The following PREPL variants were observed in gnomAD, a reference collection of about 807,000 sequenced individuals.
PREPL encodes prolyl endopeptidase like.
In PREPL, 77 loss-of-function variants were observed where a neutral mutation model predicts 70.6. The ratio of observed to expected loss-of-function variants is 1.09; its 90% CI spans 0.91 to 1.32. PREPL has a LOEUF of 1.32. PREPL is among the 40% of genes most tolerant of loss of function. The probability of loss-of-function intolerance (pLI) is 0.00; values close to 1 mark genes in which losing one functional copy is unlikely to be tolerated. For missense variants in PREPL, 1,002 were observed against 778.2 expected (o/e 1.29, Z -3.42); for synonymous variants, 315 against 264.8 (o/e 1.19, Z -1.84).
At chr2:44,334,674 T>A (rs1030807680) in intron 7 of PREPL, among the ~76,000 whole-genome samples, 3 of 152,212 alleles carry the variant, frequency 2.0e-5, no homozygotes, top group Non-Finnish European at 4.4e-5. Context: ...GCCTCCAGAA[T>A]AGCTCGGACT....
chr2:44,327,074 A>G, intron 9 of PREPL, 146 bp from the exon 10 acceptor site: 1 of 673,434 alleles, frequency 1.5e-6, no homozygotes, highest in Non-Finnish European at 2.6e-6. Context: ...AGTGAAAACA[A>G]GGAATGTGCA....
Position 44,344,537 on chromosome 2 carries a change from C to G in PREPL, c.125G>C (p.Arg42Pro). Residue 42 changes from arginine (R) to proline (P), a missense_variant, in exon 3 of 14, where the codon CGT becomes CCT. By Grantham distance (103) the Arg-to-Pro change is moderately radical. Coordinates refer to ENST00000409411, the MANE Select transcript of PREPL (RefSeq NM_001171613.2). ...TGGTGTACCTTCTTCATCTTTGGAA[C>G]GAACCAAGCAACAACCTTCTTGGTA... Reference protein sequence around the residue: ...VYYQEGCCLVRSKDEEADNDN... With the variant: ...VYYQEGCCLVPSKDEEADNDN... 1 of 1,599,088 alleles carries G rather than the reference C, an allele frequency of 6.3e-7. No individual in the cohort carries two copies. The highest frequency in any genetic ancestry group is 8.5e-7 in the Non-Finnish European group (1 of 1,173,306).
At chr2:44,324,665 C>A (rs1374196998) in intron 10 of PREPL, among the ~76,000 whole-genome samples, 2 of 152,042 alleles carry the variant, frequency 1.3e-5, no homozygotes, top group African/African-American at 2.4e-5. Flanking sequence ...ATCACTTGAG[C>A]CCAGGAGTTT....
chr2:44,356,570 A>T (rs1677071740), intron 1 of PREPL, among the ~76,000 whole-genome samples: 1 of 151,708 alleles, frequency 6.6e-6, no homozygotes, highest in Non-Finnish European at 1.5e-5. Flanking sequence ...CAAACAAACA[A>T]CAGATGTGTA....
At chr2:44,344,761 T>G (rs1675606839) in intron 2 of PREPL, among the ~76,000 whole-genome samples, 175 bp from the exon 3 acceptor site, 1 of 152,222 alleles carries the variant, frequency 6.6e-6, no homozygotes, top group African/African-American at 2.4e-5. Flanking sequence ...GTTGATAAGA[T>G]ATGGTTTTCG....
Position 44,320,218 on chromosome 2 carries a change from G to C in PREPL, c.*1138C>G, listed in dbSNP as rs769426700. 2 of 1,613,704 alleles carry C rather than the reference G, an allele frequency of 1.2e-6. No homozygotes were observed. Among genetic ancestry groups the C allele is most frequent in the Non-Finnish European group, 1.7e-6 (2 of 1,179,794 alleles). On this transcript the variant is annotated 3_prime_UTR_variant, in exon 14 of 14. Coordinates refer to ENST00000409411, the MANE Select transcript of PREPL (RefSeq NM_001171613.2). The stretch of plus-strand genomic sequence containing the variant: ...AAATAGGTCCAAAAGACTCAGCCCA[G>C]ATCGGCTTTGAAGTTATATCAAGAT...
At position 44,338,364 on chromosome 2, in the gene PREPL, A is replaced by T; in HGVS notation, c.875T>A (p.Val292Asp). Reference protein sequence around the residue: ...VNVIGLADDSVRSLKLPPWAC... With the variant: ...VNVIGLADDSDRSLKLPPWAC... ...AATTAAACATACCTTTAGAGACCGA[A>T]CTGAATCATCAGCCAGACCAATCAC... The change falls in exon 7 of 14, where the codon GTT becomes GAT. Residue 292 changes from valine to aspartate, a missense_variant. Coordinates refer to ENST00000409411, the MANE Select transcript of PREPL (RefSeq NM_001171613.2). The T allele has an allele frequency of 6.2e-7, 1 of 1,611,700 alleles. No individual in the cohort carries two copies. The highest frequency in any genetic ancestry group is 8.5e-7 in the Non-Finnish European group (1 of 1,179,442).
intron 1 of PREPL, chr2:44,347,434 G>T (rs1675947358): frequency 6.6e-6 from 1 of 152,090 alleles, no homozygotes; most frequent in Admixed American, 6.6e-5. Context: ...GAAGAACCAG[G>T]AAAAATAATA....
intron 9 of PREPL, 62 bp from the exon 10 acceptor site, chr2:44,326,990 C>T: frequency 7.2e-7 from 1 of 1,385,074 alleles, no homozygotes; most frequent in Non-Finnish European, 1.0e-6. Flanking sequence ...AGGCTGGGGT[C>T]AGCGAACTAC....
intron 6 of PREPL, 44 bp from the exon 7 acceptor site, chr2:44,338,580 A>T (rs1674880333): frequency 1.4e-6 from 2 of 1,473,278 alleles, no homozygotes; most frequent in African/African-American, 2.8e-5. Context: ...AGAAAACACG[A>T]AGGCTGCAGC....
At chr2:44,342,575 T>C in intron 4 of PREPL, 23 bp from the exon 5 acceptor site, 2 of 1,528,224 alleles carry the variant, frequency 1.3e-6, no homozygotes, top group Non-Finnish European at 1.8e-6. Flanking sequence ...AATGAGATAA[T>C]TATACATAAT....
chr2:44,326,871 G>T lies in PREPL; in HGVS notation c.1320C>A (p.Leu440=). Residue 440 remains leucine (L), a synonymous_variant, in exon 10 of 14, where the codon CTC becomes CTA. Transcript: ENST00000409411. ...WHADGRLTKK[L]NGLADLEACI... ...AAGCCTCTAAATCAGCAAGGCCATT[G>T]AGTTTTTTAGTTAGGCGGCCATCAG... is the stretch of plus-strand genomic sequence containing the variant. 1 of 1,614,144 alleles carries T rather than the reference G, an allele frequency of 6.2e-7. No individual in the cohort carries two copies.
rs539698930 is a variant in PREPL at position 44,328,374 on chromosome 2, T to G, written c.1262+563A>C. Among the ~76,000 whole-genome samples, 3 of 133,670 alleles carry G rather than the reference T, an allele frequency of 2.2e-5. No individual in the cohort carries two copies. The East Asian group carries it at 6.4e-4, about 28-fold the overall frequency. The allele number at this position is 133,670 out of a possible 152,430, so 87.7% of individuals were successfully genotyped here. ...ATCACTTGAACCTGGGAGGCAGAGGTTGCAGTGAGCCGAGATTGTGCCACT... is the reference window on the plus strand; with the variant it reads ...ATCACTTGAACCTGGGAGGCAGAGGGTGCAGTGAGCCGAGATTGTGCCACT... On this transcript the variant is annotated intron_variant, in intron 9 of 13. Transcript: ENST00000409411.
rs749490971 is a variant in PREPL at position 44,322,771 on chromosome 2, G to C, written c.1713C>G (p.Leu571=). ...TAGCATGCTCCGCGATGGCTTCCTTGAGTTTCTCAGTATAACTTACAATTC... is the reference window on the plus strand; with the variant it reads ...TAGCATGCTCCGCGATGGCTTCCTTCAGTTTCTCAGTATAACTTACAATTC... ...LKGIVSYTEK[L]KEAIAEHAKD... is the part of the protein sequence containing the mutation. Residue 571 remains leucine, a synonymous_variant, in exon 12 of 14, where the codon CTC becomes CTG. Transcript: ENST00000409411. The C allele has an allele frequency of 3.2e-5, 51 of 1,613,758 alleles. 1 individual carries two copies. The Middle Eastern group carries it at 2.5e-3, about 78-fold the overall frequency.
In PREPL at chr2:44,339,199, C is replaced by G; in HGVS notation, c.650G>C (p.Arg217Thr). 1 of 1,614,062 alleles carries G rather than the reference C, an allele frequency of 6.2e-7. No homozygotes were observed. The highest frequency in any genetic ancestry group is 1.1e-5 in the South Asian group (1 of 91,082). The change falls in exon 6 of 14, where the codon AGA (arginine) becomes ACA (threonine). Residue 217 changes from arginine to threonine, a missense_variant. Physicochemically the swap from Arg to Thr is moderately conservative, Grantham distance 71. Transcript: ENST00000409411. ...IHGVLYYVEHRDDELYILTNV... is the reference protein window; with the variant it reads ...IHGVLYYVEHTDDELYILTNV... ...AGTGAGAATGTATAATTCATCATCT[C>G]TGTGTTCAACATAGTAAAGGACCCC...
chr2:44,339,098 G>C (rs1256268398), intron 6 of PREPL, 49 bp downstream of exon 6: 1 of 1,602,278 alleles, frequency 6.2e-7, no homozygotes, highest in Non-Finnish European at 8.5e-7. Flanking sequence ...TGATCGAAGT[G>C]TGACACTTCT....
chr2:44,344,771 G>A (rs181976424), intron 2 of PREPL, among the ~76,000 whole-genome samples, 185 bp from the exon 3 acceptor site: 31 of 152,248 alleles, frequency 2.0e-4, no homozygotes, highest in African/African-American at 7.0e-4. Context: ...TATGGTTTTC[G>A]TATGTTCATA....
At chr2:44,347,138 C>G (rs698766) in intron 1 of PREPL, 82,808 of 151,988 alleles carry the variant, frequency 0.54, 24,758 homozygotes, top group Non-Finnish European at 0.68. Context: ...CAAGACCAGC[C>G]TGGGCAACAT....
At chr2:44,324,261 G>A (rs1363441297) in intron 10 of PREPL, among the ~76,000 whole-genome samples, 1 of 152,182 alleles carries the variant, frequency 6.6e-6, no homozygotes, top group Non-Finnish European at 1.5e-5. Flanking sequence ...AGAAGCAAAT[G>A]GAGAGCTGTT....
Sources: allele counts gnomAD v4.1 joint callset (sites outside exome capture counted in the v4.1 genomes callset), GRCh38; gene constraint gnomAD v4.1.1; transcripts MANE v1.5; gene names NCBI Gene and HGNC (gene_info 2026-07-23, HGNC 2026-07-21).